The following ACMSD variants were observed in gnomAD, a reference collection of about 807,000 sequenced individuals.
The protein encoded by ACMSD is 2-amino-3-carboxymuconate-6-semialdehyde decarboxylase.
ACMSD carries 37 observed loss-of-function variants against 45.9 expected under a neutral mutation model. That is an observed-to-expected ratio of 0.81 (90% CI 0.62 to 1.06). ACMSD has a LOEUF of 1.06. ACMSD is among the 50% of genes least tolerant of loss of function. ACMSD has a pLI of 0.00. For synonymous variants in ACMSD, 138 were observed against 148.8 expected (o/e 0.93, Z 0.53); for missense variants, 434 against 420.9 (o/e 1.03, Z -0.27).
In ACMSD at chr2:134,863,645, C is replaced by G. The variant is rs753220277; in HGVS notation, c.486+14C>G. 1 of 1,612,740 alleles carries G rather than the reference C, an allele frequency of 6.2e-7. No individual in the cohort carries two copies. Among genetic ancestry groups the G allele is most frequent in the Non-Finnish European group, 8.5e-7 (1 of 1,179,472 alleles). On this transcript the variant is annotated intron_variant, in intron 5 of 9. Transcript: ENST00000356140. The stretch of plus-strand genomic sequence containing the variant: ...CCTGTCTATGCGGTGAGTAGCGGGG[C>G]TGCTCAGCCAACGCCAGCCGCCCAG...
Position 134,845,154 on chromosome 2 carries a change from ATCT to A in ACMSD, c.58-75_58-73del, listed in dbSNP as rs1450905326. Reference sequence around the variant, plus strand: ...CAATGCTTGAAAGGTGGAGCTCAGGATCTTCTGCACTTAGCATGCCCCTTGATT... The same window carrying A: ...CAATGCTTGAAAGGTGGAGCTCAGGATCTGCACTTAGCATGCCCCTTGATT... On this transcript the variant is annotated intron_variant, in intron 1 of 9. Transcript: ENST00000356140. The A allele has an allele frequency of 2.1e-6, 3 of 1,460,594 alleles. No homozygotes were observed. The East Asian group carries it at 6.8e-5, about 33-fold the overall frequency. 90.5% of individuals were successfully genotyped at this position (1,460,594 alleles called of 1,614,324 possible).
chr2:134,885,128 A>C (rs1267421764), intron 8 of ACMSD, among the ~76,000 whole-genome samples: 1 of 149,046 alleles, frequency 6.7e-6, no homozygotes, highest in Non-Finnish European at 1.5e-5. Flanking sequence ...CCTCGGAGGC[A>C]GAAGTTGCAG....
intron 7 of ACMSD, 39 bp downstream of exon 7, chr2:134,871,099 A>T: frequency 6.5e-7 from 1 of 1,544,104 alleles, no homozygotes; most frequent in Non-Finnish European, 8.9e-7. Flanking sequence ...AGGCTGTCAC[A>T]ACAAAATCCC....
intron 2 of ACMSD, among the ~76,000 whole-genome samples, chr2:134,853,167 T>TA (rs201350282): frequency 0.52 from 54,941 of 106,068 alleles, 13,529 homozygotes; most frequent in Middle Eastern, 0.87. Flanking sequence ...CATCTCAATC[T>TA]AAAAAAAAAA....
At chr2:134,856,366 T>C (rs576958551) in intron 2 of ACMSD, among the ~76,000 whole-genome samples, 3 of 152,318 alleles carry the variant, frequency 2.0e-5, no homozygotes, top group African/African-American at 7.2e-5. Flanking sequence ...AGGCCCAACG[T>C]AGATGCCACT....
chr2:134,886,243 ATTAT>A (rs1273371642), intron 8 of ACMSD, among the ~76,000 whole-genome samples: 4 of 123,498 alleles, frequency 3.2e-5, no homozygotes, highest in East Asian at 4.9e-4. Flanking sequence ...CATTATTATT[ATTAT>A]TTTTTTTTTT....
chr2:134,886,250 T>TA (rs746285340), intron 8 of ACMSD, among the ~76,000 whole-genome samples: 3,876 of 136,996 alleles, frequency 0.028, 78 homozygotes, highest in African/African-American at 0.061. Flanking sequence ...ATTATTATTT[T>TA]TTTTTTTTTT....
At chr2:134,880,211 T>C (rs1435608402) in intron 8 of ACMSD, among the ~76,000 whole-genome samples, 1 of 152,192 alleles carries the variant, frequency 6.6e-6, no homozygotes, top group Non-Finnish European at 1.5e-5. Flanking sequence ...AATGACATCC[T>C]AATTTTTGAA....
chr2:134,885,350 ATATATAT>A (rs1689324796), intron 8 of ACMSD, among the ~76,000 whole-genome samples: 1 of 101,150 alleles, frequency 9.9e-6, no homozygotes, highest in East Asian at 4.7e-4. Flanking sequence ...TTTATATATA[ATATATAT>A]TTACATATAT....
Position 134,901,918 on chromosome 2 carries a change from T to C in ACMSD, c.*58T>C, listed in dbSNP as rs1690523768. ...GATATCTCATTTTTGTTTCTAAATA[T>C]GTATCAACAGGTATCAACAAAATCC... On this transcript the variant is annotated 3_prime_UTR_variant, in exon 10 of 10. Transcript: ENST00000356140. 2.2e-6 allele frequency: 3 copies of C among 1,355,690 alleles called. No individual in the cohort carries two copies. The highest frequency in any genetic ancestry group is 2.6e-5 in the South Asian group (2 of 76,128). 84.0% of individuals were successfully genotyped at this position (1,355,690 alleles called of 1,614,324 possible). A position where few individuals can be genotyped will look rare whatever the true frequency, so the allele number is the denominator to read the frequency against.
chr2:134,858,897 T>G (rs962239929), intron 2 of ACMSD, among the ~76,000 whole-genome samples: 2 of 150,300 alleles, frequency 1.3e-5, no homozygotes, highest in Admixed American at 1.3e-4. Context: ...TTTTCAATTC[T>G]AAATGTTATA....
intron 2 of ACMSD, chr2:134,857,762 A>C (rs1158598772): frequency 1.3e-5 from 2 of 151,500 alleles, no homozygotes; most frequent in East Asian, 3.9e-4. Flanking sequence ...CTGATCTTAG[A>C]GAAAAAGTTT....
chr2:134,855,577 G>C (rs1192299929), intron 2 of ACMSD, among the ~76,000 whole-genome samples: 1 of 152,254 alleles, frequency 6.6e-6, no homozygotes, highest in Non-Finnish European at 1.5e-5. Flanking sequence ...AAGTGGTTCA[G>C]ATGCTGGCAT....
At chr2:134,892,225 ATT>A (rs58468490) in intron 8 of ACMSD, among the ~76,000 whole-genome samples, 1 of 150,694 alleles carries the variant, frequency 6.6e-6, no homozygotes, top group Non-Finnish European at 1.5e-5. Context: ...CCTTACATGT[ATT>A]TTTTTTTTAA....
intron 8 of ACMSD, among the ~76,000 whole-genome samples, chr2:134,885,083 C>A (rs1381775362): frequency 1.3e-5 from 2 of 150,054 alleles, no homozygotes; most frequent in Non-Finnish European, 2.9e-5. Context: ...GTAGTCCCAG[C>A]TACTTGGGAG....
chr2:134,869,340 G>A (rs113105440), intron 6 of ACMSD, among the ~76,000 whole-genome samples: 5,763 of 152,072 alleles, frequency 0.038, 244 homozygotes, highest in East Asian at 0.14. Flanking sequence ...AGCCTCCCAA[G>A]TAGCTGGGAT....
intron 1 of ACMSD, among the ~76,000 whole-genome samples, chr2:134,841,980 G>A (rs543598924): frequency 3.7e-4 from 56 of 152,318 alleles, no homozygotes; most frequent in African/African-American, 1.3e-3. Flanking sequence ...GAGGTGTGAT[G>A]TCTTCAAGAC....
chr2:134,863,673 C>CA, intron 5 of ACMSD, 42 bp downstream of exon 5: 1 of 1,596,010 alleles, frequency 6.3e-7, no homozygotes, highest in Non-Finnish European at 8.6e-7. Context: ...CCGCCCAGTG[C>CA]CTGGGCCGGG....
At chr2:134,839,174 G>A (rs1686668413) in intron 1 of ACMSD, among the ~76,000 whole-genome samples, 1 of 152,142 alleles carries the variant, frequency 6.6e-6, no homozygotes, top group South Asian at 2.1e-4. Flanking sequence ...TTTAAAATAA[G>A]TTTTAGAAGC....
Sources: allele counts gnomAD v4.1 joint callset (sites outside exome capture counted in the v4.1 genomes callset), GRCh38; gene constraint gnomAD v4.1.1; transcripts MANE v1.5; gene names NCBI Gene and HGNC (gene_info 2026-07-23, HGNC 2026-07-21).